CALN1: variants seen among roughly 807,000 people sequenced by gnomAD.
CALN1 encodes calneuron 1, also known as calcium-binding protein 8.
CALN1 carries 17 observed loss-of-function variants against 30.6 expected under a neutral mutation model. The observed-to-expected ratio is 0.56, with a 90% CI of 0.38 to 0.83. CALN1 has a LOEUF of 0.83. Ranked by LOEUF, CALN1 falls within the 40% of genes least tolerant of loss-of-function variation. The pLI, the probability that CALN1 is intolerant of heterozygous loss-of-function variation, is 0.00. For missense variants in CALN1, 291 were observed against 354.9 expected, an observed-to-expected ratio of 0.82 and a Z score of 1.45; for synonymous variants, 156 against 131.4, an observed-to-expected ratio of 1.19 and a Z score of -1.28.
chr7:72,188,190 C>T (rs572680959), intron 3 of CALN1, among the ~76,000 whole-genome samples: 15 of 151,116 alleles, frequency 9.9e-5, no homozygotes, highest in African/African-American at 1.5e-4. Flanking sequence ...TACAGCAGCA[C>T]GATTTGCAAT....
At chr7:71,954,644 C>T (rs1431134400) in intron 5 of CALN1, among the ~76,000 whole-genome samples, 1 of 152,096 alleles carries the variant, frequency 6.6e-6, no homozygotes, top group South Asian at 2.1e-4. Flanking sequence ...AGAGTAAGAC[C>T]CTGTCTCAAA....
intron 5 of CALN1, among the ~76,000 whole-genome samples, chr7:71,952,458 G>A (rs185725187): frequency 9.2e-5 from 14 of 152,316 alleles, no homozygotes; most frequent in Admixed American, 7.8e-4. Context: ...ACAAGGACTC[G>A]GCTCTGGGTG....
chr7:72,048,047 T>C (rs1371793447), intron 4 of CALN1, among the ~76,000 whole-genome samples: 1 of 150,422 alleles, frequency 6.6e-6, no homozygotes, highest in African/African-American at 2.4e-5. Flanking sequence ...TCTTCTTTTT[T>C]TTTTTTTTTT....
chr7:72,216,342 C>A (rs1792811371), intron 3 of CALN1, among the ~76,000 whole-genome samples: 2 of 151,978 alleles, frequency 1.3e-5, no homozygotes, highest in South Asian at 4.2e-4. Flanking sequence ...AGGAGGATCA[C>A]TGGAGCCCAG....
intron 4 of CALN1, among the ~76,000 whole-genome samples, chr7:72,070,691 C>T (rs2129538084): frequency 6.6e-6 from 1 of 152,240 alleles, no homozygotes; most frequent in South Asian, 2.1e-4. Flanking sequence ...TATTAATTTC[C>T]AAATCTGACA....
chr7:71,791,825 C>T (rs563802977), intron 6 of CALN1, among the ~76,000 whole-genome samples: 21 of 152,230 alleles, frequency 1.4e-4, no homozygotes, highest in South Asian at 6.2e-4. Context: ...CTGGCTAACA[C>T]GGTGAAACCC....
chr7:72,203,979 C>CTATTTTTTTTTTTTTT (rs59798860), intron 3 of CALN1, among the ~76,000 whole-genome samples: 1 of 83,778 alleles, frequency 1.2e-5, no homozygotes, highest in Non-Finnish European at 2.1e-5. Context: ...AGGCCTCTCT[C>CTATTTTTTTTTTTTTT]TTTTTTTTTT....
At chr7:71,837,680 A>G (rs995241734) in intron 5 of CALN1, among the ~76,000 whole-genome samples, 4 of 152,198 alleles carry the variant, frequency 2.6e-5, no homozygotes, top group African/African-American at 9.7e-5. Context: ...AATCAAAACA[A>G]GGGGTTCAAG....
intron 5 of CALN1, among the ~76,000 whole-genome samples, chr7:72,004,682 C>CT (rs1799681534): frequency 6.6e-6 from 1 of 150,882 alleles, no homozygotes; most frequent in African/African-American, 2.5e-5. Flanking sequence ...TCTCAAAACT[C>CT]AAGAACAAAA....
rs115128688 is a variant in CALN1 at position 71,919,932 on chromosome 7, G to A, written c.501+103725C>T. On this transcript the variant is annotated intron_variant, in intron 5 of 6. Coordinates refer to ENST00000395275, the MANE Select transcript of CALN1 (RefSeq NM_031468.4). ...CCGATGTGTTCCTGAGCCTGGTTCT[G>A]AGAGGCACAGTAAGTAGCTCACCAT... Among the ~76,000 whole-genome samples the A allele has an allele frequency of 7.3e-3, 1,111 of 152,270 alleles. 14 individuals carry two copies. Among genetic ancestry groups the A allele is most frequent in the African/African-American group, 0.025 (1,051 of 41,572 alleles).
intron 5 of CALN1, among the ~76,000 whole-genome samples, chr7:71,962,664 A>G (rs1797308069): frequency 2.0e-5 from 3 of 152,196 alleles, no homozygotes; most frequent in African/African-American, 4.8e-5. Context: ...ATTATCTAAT[A>G]CCTTTTAAAA....
chr7:71,869,055 C>A (rs1359546968), intron 5 of CALN1, among the ~76,000 whole-genome samples: 1 of 152,108 alleles, frequency 6.6e-6, no homozygotes, highest in Admixed American at 6.6e-5. Flanking sequence ...ACTTCAACAA[C>A]CTCAGTGAGT....
intron 5 of CALN1, among the ~76,000 whole-genome samples, chr7:71,947,946 AAAG>A (rs1165481985): frequency 4.5e-4 from 68 of 151,788 alleles, no homozygotes; most frequent in African/African-American, 1.6e-3. Flanking sequence ...AAAAAAAAAA[AAAG>A]AAAGATGTGG....
intron 5 of CALN1, among the ~76,000 whole-genome samples, chr7:71,860,286 G>C (rs2116655306): frequency 6.6e-6 from 1 of 151,182 alleles, no homozygotes; most frequent in Admixed American, 6.6e-5. Flanking sequence ...TCCACCTCCT[G>C]GGCTCAAGCG....
intron 2 of CALN1, 86 bp from the exon 3 acceptor site, chr7:72,278,896 A>T: frequency 2.0e-6 from 3 of 1,520,098 alleles, no homozygotes; most frequent in Non-Finnish European, 2.7e-6. Context: ...TCTGATTTTC[A>T]GATGGCCAGT....
At chr7:72,413,005 C>T (rs1244532361), upstream of CALN1, among the ~76,000 whole-genome samples, 1 of 152,226 alleles carries the variant, frequency 6.6e-6, no homozygotes, top group Non-Finnish European at 1.5e-5. Flanking sequence ...CTAAGCCCAC[C>T]TGGAGTAGGC....
intron 2 of CALN1, among the ~76,000 whole-genome samples, chr7:72,358,337 G>T (rs1392887908): frequency 2.0e-5 from 3 of 151,962 alleles, no homozygotes; most frequent in Admixed American, 6.5e-5. Context: ...ATCCACTAGT[G>T]TAACACTCTG....
At chr7:72,096,960 C>T (rs1424690239) in intron 4 of CALN1, among the ~76,000 whole-genome samples, 2 of 152,122 alleles carry the variant, frequency 1.3e-5, no homozygotes, top group African/African-American at 4.8e-5. Context: ...ACACATACAC[C>T]ACGGAATACT....
chr7:72,235,703 G>A (rs1485442742), intron 3 of CALN1, among the ~76,000 whole-genome samples: 1 of 130,326 alleles, frequency 7.7e-6, no homozygotes, highest in Non-Finnish European at 1.6e-5. Context: ...TGGACTCCAT[G>A]ACATCTCTCC....
Sources: allele counts gnomAD v4.1 joint callset (sites outside exome capture counted in the v4.1 genomes callset), GRCh38; gene constraint gnomAD v4.1.1; transcripts MANE v1.5; gene names NCBI Gene and HGNC (gene_info 2026-07-23, HGNC 2026-07-21).